The following AGMO variants were observed in gnomAD, a reference collection of about 807,000 sequenced individuals.
AGMO encodes alkylglycerol monooxygenase.
A neutral mutation model predicts 60.2 loss-of-function variants in AGMO; 75 were observed. That is an observed-to-expected ratio of 1.25 (90% confidence interval 1.03 to 1.51). The LOEUF is 1.51. AGMO is among the 40% of genes most tolerant of loss of function. The pLI is 0.00. For missense variants in AGMO, 763 were observed against 525.5 expected, an observed-to-expected ratio of 1.45 and a Z score of -4.42; for synonymous variants, 261 against 177.1, an observed-to-expected ratio of 1.47 and a Z score of -3.76.
At chr7:15,382,375 T>C (rs1187537420) in intron 10 of AGMO, among the ~76,000 whole-genome samples, 1 of 152,148 alleles carries the variant, frequency 6.6e-6, no homozygotes, top group Non-Finnish European at 1.5e-5. Flanking sequence ...TGAGTACCAC[T>C]GTATCCTGAG....
intron 10 of AGMO, among the ~76,000 whole-genome samples, chr7:15,381,815 T>C (rs1783702379): frequency 6.6e-6 from 1 of 152,094 alleles, no homozygotes; most frequent in Non-Finnish European, 1.5e-5. Flanking sequence ...ATTAGGTAAG[T>C]ATACACCATG....
chr7:15,502,938 C>A (rs1197047638), intron 3 of AGMO, among the ~76,000 whole-genome samples: 3 of 151,924 alleles, frequency 2.0e-5, no homozygotes, highest in Admixed American at 2.0e-4. Flanking sequence ...AACTTAGGGA[C>A]ATAGAACGAT....
chr7:15,208,877 A>G (rs1034752250), intron 12 of AGMO, among the ~76,000 whole-genome samples: 4 of 152,220 alleles, frequency 2.6e-5, no homozygotes, highest in African/African-American at 9.6e-5. Context: ...GATTCATCAT[A>G]GACCTTAAGT....
chr7:15,366,232 A>T lies in AGMO; in HGVS notation c.1075-10T>A. 6.3e-7 allele frequency: 1 copy of T among 1,594,502 alleles called. No individual in the cohort carries two copies. Among genetic ancestry groups the T allele is most frequent in the Admixed American group, 1.7e-5 (1 of 59,088 alleles). ...TAACTTGCGACAGTGCCTGTCAAAC[A>T]AACACGGAGATCAATGGAGCCGTTA... On this transcript the variant is annotated splice_polypyrimidine_tract_variant and intron_variant, in intron 10 of 12. Coordinates refer to ENST00000342526, the MANE Select transcript of AGMO (RefSeq NM_001004320.2).
At chr7:15,290,681 A>G (rs941354353) in intron 12 of AGMO, among the ~76,000 whole-genome samples, 6 of 152,186 alleles carry the variant, frequency 3.9e-5, no homozygotes, top group African/African-American at 1.4e-4. Context: ...TCTTATAGAT[A>G]GTGTTTAGAT....
chr7:15,370,515 T>C (rs1783166103), intron 10 of AGMO, among the ~76,000 whole-genome samples: 2 of 152,208 alleles, frequency 1.3e-5, no homozygotes, highest in African/African-American at 4.8e-5. Flanking sequence ...ACCAACAGTG[T>C]GTATGTGTTC....
intron 12 of AGMO, among the ~76,000 whole-genome samples, chr7:15,251,041 T>C (rs921291045): frequency 8.5e-5 from 13 of 152,100 alleles, no homozygotes; most frequent in Non-Finnish European, 1.0e-4. Flanking sequence ...AAAATACATA[T>C]ATATTTTTAT....
At chr7:15,430,595 G>GTTTTTTTTAAAAAAAAAACAACAACTGGT (rs1781201744) in intron 4 of AGMO, among the ~76,000 whole-genome samples, 2 of 134,286 alleles carry the variant, frequency 1.5e-5, no homozygotes, top group Non-Finnish European at 3.1e-5. Context: ...AGAATTAGTT[G>GTTTTTTTTAAAAAAAAAACAACAACTGGT]TTTTTTTTAA....
At chr7:15,222,647 T>A (rs1265756069) in intron 12 of AGMO, among the ~76,000 whole-genome samples, 1 of 152,056 alleles carries the variant, frequency 6.6e-6, no homozygotes, top group African/African-American at 2.4e-5. Context: ...CCCCATTTCT[T>A]TATAATGAAC....
intron 12 of AGMO, among the ~76,000 whole-genome samples, chr7:15,201,570 T>C (rs34482791): frequency 0.07 from 10,639 of 152,068 alleles, 560 homozygotes; most frequent in Non-Finnish European, 0.094. Flanking sequence ...AGTTAAGAAG[T>C]TTTATTTCTG....
chr7:15,388,181 A>G (rs1271148694), intron 8 of AGMO, among the ~76,000 whole-genome samples: 1 of 152,230 alleles, frequency 6.6e-6, no homozygotes, highest in Non-Finnish European at 1.5e-5. Flanking sequence ...AAAATAATTT[A>G]AAATTGCTTA....
chr7:15,511,303 C>T (rs1783667559), intron 3 of AGMO, among the ~76,000 whole-genome samples: 1 of 152,126 alleles, frequency 6.6e-6, no homozygotes. Flanking sequence ...AAGCAAAGTA[C>T]CTGTAAAAAA....
chr7:15,374,080 T>C (rs1413533900), intron 10 of AGMO, among the ~76,000 whole-genome samples: 3 of 152,220 alleles, frequency 2.0e-5, no homozygotes, highest in South Asian at 4.1e-4. Flanking sequence ...ATCCGAAGGC[T>C]TGAAGATGCT....
intron 12 of AGMO, among the ~76,000 whole-genome samples, chr7:15,248,086 G>T (rs1232572062): frequency 6.7e-6 from 1 of 148,168 alleles, no homozygotes; most frequent in East Asian, 2.0e-4. Flanking sequence ...TGTAGCTGAT[G>T]TAAGATGTAG....
rs7809228 is a variant in AGMO at position 15,502,524 on chromosome 7, C to G, written c.409+42248G>C. Among the ~76,000 whole-genome samples the G allele has an allele frequency of 8.7e-3, 1,320 of 152,072 alleles. 21 individuals are homozygous for G. The highest frequency in any genetic ancestry group is 0.031 in the African/African-American group (1,280 of 41,500). On this transcript the variant is annotated intron_variant, in intron 3 of 12. Coordinates refer to ENST00000342526, the MANE Select transcript of AGMO (RefSeq NM_001004320.2). ...GTCGCTGATGGTTTTGAGGGTCTGG[C>G]TAGCATTTGTATCCTGTGTTGGCTC...
chr7:15,140,410 T>C, the AGMO span, among the ~76,000 whole-genome samples: 1 of 151,986 alleles, frequency 6.6e-6, no homozygotes. Flanking sequence ...TTAGCATAAG[T>C]TATTTTTACC....
At chr7:15,211,559 GT>G (rs897898775) in intron 12 of AGMO, among the ~76,000 whole-genome samples, 4 of 150,080 alleles carry the variant, frequency 2.7e-5, no homozygotes, top group Admixed American at 6.6e-5. Flanking sequence ...GGTGTTCCAT[GT>G]TTTTTTTTGA....
At chr7:15,231,319 C>T (rs549502468) in intron 12 of AGMO, among the ~76,000 whole-genome samples, 18 of 152,184 alleles carry the variant, frequency 1.2e-4, no homozygotes, top group East Asian at 7.8e-4. Context: ...CTTATGAATA[C>T]GATAGTTTGA....
At chr7:15,456,616 C>G (rs567557501) in intron 3 of AGMO, among the ~76,000 whole-genome samples, 65 of 152,256 alleles carry the variant, frequency 4.3e-4, no homozygotes, top group African/African-American at 1.5e-3. Flanking sequence ...GGAAATAGTT[C>G]GCTCAGCTGT....
Sources: allele counts gnomAD v4.1 joint callset (sites outside exome capture counted in the v4.1 genomes callset), GRCh38; gene constraint gnomAD v4.1.1; transcripts MANE v1.5; gene names NCBI Gene and HGNC (gene_info 2026-07-23, HGNC 2026-07-21).